The following BRD10 variants were observed in gnomAD, a reference collection of about 807,000 sequenced individuals.
BRD10 encodes bromodomain containing 10.
At chr9:5,960,288 G>A in the BRD10 span, among the ~76,000 whole-genome samples, 2 of 152,112 alleles carry the variant, frequency 1.3e-5, no homozygotes, top group Admixed American at 6.6e-5. Context: ...CTGGCCGGGC[G>A]TGCTGCCTCA....
At chr9:6,005,670 G>A in the BRD10 span, among the ~76,000 whole-genome samples, 1 of 152,060 alleles carries the variant, frequency 6.6e-6, no homozygotes, top group Non-Finnish European at 1.5e-5. Flanking sequence ...GGTTCTTCCA[G>A]GTCTAAAATC....
the BRD10 span, among the ~76,000 whole-genome samples, chr9:5,892,006 G>T: frequency 6.6e-6 from 1 of 152,176 alleles, no homozygotes; most frequent in Non-Finnish European, 1.5e-5. Flanking sequence ...TTGTCTGTGG[G>T]ATTGATATCC....
chr9:5,916,037 C>T, the BRD10 span, among the ~76,000 whole-genome samples: 90,046 of 152,064 alleles, frequency 0.59, 28,054 homozygotes, highest in Non-Finnish European at 0.72. Flanking sequence ...CTAAACTATG[C>T]TATACCCTTC....
At chr9:5,952,000 C>G in the BRD10 span, among the ~76,000 whole-genome samples, 4 of 128,002 alleles carry the variant, frequency 3.1e-5, no homozygotes, top group African/African-American at 1.1e-4. Context: ...CAGGAAGAGA[C>G]TTATTTATTT....
chr9:5,971,579 C>G, the BRD10 span, among the ~76,000 whole-genome samples: 1 of 152,162 alleles, frequency 6.6e-6, no homozygotes, highest in Non-Finnish European at 1.5e-5. Context: ...TTTTATAGAA[C>G]AGCCTACTTT....
the BRD10 span, chr9:6,008,041 C>A: frequency 5.7e-5 from 66 of 1,149,438 alleles, no homozygotes; most frequent in Middle Eastern, 7.1e-4. Context: ...TCCCCTCCCC[C>A]CCGGCGGCGG....
At chr9:5,969,409 T>C in the BRD10 span, 1 of 1,581,012 alleles carries the variant, frequency 6.3e-7, no homozygotes, top group South Asian at 1.2e-5. Context: ...TAGCTTCTTC[T>C]GCTTCTTTTC....
the BRD10 span, among the ~76,000 whole-genome samples, chr9:5,914,941 T>C: frequency 6.6e-6 from 1 of 152,232 alleles, no homozygotes; most frequent in Non-Finnish European, 1.5e-5. Flanking sequence ...TAACAATATG[T>C]ACCTCAATAA....
the BRD10 span, among the ~76,000 whole-genome samples, chr9:5,904,305 T>C: frequency 6.6e-6 from 1 of 152,238 alleles, no homozygotes; most frequent in Non-Finnish European, 1.5e-5. Context: ...ATATTCAAAG[T>C]AGTTATTGAT....
At chr9:5,920,674 A>G in the BRD10 span, 1 of 1,613,916 alleles carries the variant, frequency 6.2e-7, no homozygotes, top group African/African-American at 1.3e-5. Context: ...AAATAGATAC[A>G]GAACGTGTGG....
At chr9:5,980,049 C>A in the BRD10 span, among the ~76,000 whole-genome samples, 1 of 150,438 alleles carries the variant, frequency 6.6e-6, no homozygotes, top group East Asian at 1.9e-4. Context: ...AAAGAAGTAT[C>A]TTAAATGTGT....
At chr9:5,888,576 C>T in the BRD10 span, among the ~76,000 whole-genome samples, 1 of 152,122 alleles carries the variant, frequency 6.6e-6, no homozygotes, top group African/African-American at 2.4e-5. Flanking sequence ...ATGCATTTGG[C>T]CCTGGAACTG....
chr9:5,983,622 C>A, the BRD10 span, among the ~76,000 whole-genome samples: 1 of 152,040 alleles, frequency 6.6e-6, no homozygotes, highest in African/African-American at 2.4e-5. Flanking sequence ...AAACAGTTCA[C>A]TGGATTAGAC....
the BRD10 span, among the ~76,000 whole-genome samples, chr9:5,924,139 T>C: frequency 5.9e-5 from 9 of 152,264 alleles, no homozygotes; most frequent in African/African-American, 2.2e-4. Flanking sequence ...GCTTCAAAAA[T>C]ACTAATAATA....
chr9:5,934,072 G>A, the BRD10 span, among the ~76,000 whole-genome samples: 75 of 150,264 alleles, frequency 5.0e-4, no homozygotes, highest in African/African-American at 1.8e-3. Flanking sequence ...AACAGGTATC[G>A]GCAGTCATAT....
the BRD10 span, among the ~76,000 whole-genome samples, chr9:5,963,549 A>T: frequency 1.1e-3 from 166 of 150,910 alleles, 4 homozygotes; most frequent in South Asian, 0.034. Flanking sequence ...GAATTGGAAA[A>T]AACTACTTTA....
the BRD10 span, among the ~76,000 whole-genome samples, chr9:5,929,540 C>T: frequency 3.9e-5 from 6 of 152,010 alleles, no homozygotes; most frequent in African/African-American, 1.4e-4. Flanking sequence ...TTCCCAAAGA[C>T]TGGGGAAAAG....
At chr9:5,906,946 T>C in the BRD10 span, 1 of 1,598,852 alleles carries the variant, frequency 6.3e-7, no homozygotes, top group African/African-American at 1.4e-5. Flanking sequence ...CAAGAAGGGT[T>C]TGATCATCGG....
chr9:5,940,259 T>C, the BRD10 span, among the ~76,000 whole-genome samples: 1 of 152,166 alleles, frequency 6.6e-6, no homozygotes, highest in South Asian at 2.1e-4. Flanking sequence ...AGTGGTGCGA[T>C]CTTGGCTCAC....
Sources: allele counts gnomAD v4.1 joint callset (sites outside exome capture counted in the v4.1 genomes callset), GRCh38; gene constraint gnomAD v4.1.1; transcripts MANE v1.5; gene names NCBI Gene and HGNC (gene_info 2026-07-23, HGNC 2026-07-21).